The following TNRC6A variants were observed in gnomAD, a reference collection of about 807,000 sequenced individuals.
The protein encoded by TNRC6A is trinucleotide repeat-containing gene 6A protein.
TNRC6A carries 44 observed loss-of-function variants against 221.2 expected under a neutral mutation model. The observed-to-expected ratio is 0.20, with a 90% CI of 0.16 to 0.26. TNRC6A has a LOEUF of 0.26. TNRC6A is among the 10% of genes least tolerant of loss of function. The pLI, the probability that TNRC6A is intolerant of heterozygous loss-of-function variation, is 1.00. For synonymous variants in TNRC6A, 847 were observed against 838.5 expected (o/e 1.01, Z -0.18); for missense variants, 2,199 against 2,404.4 (o/e 0.91, Z 1.79).
chr16:24,792,035 G>T (rs2058113974), intron 6 of TNRC6A, among the ~76,000 whole-genome samples: 2 of 152,150 alleles, frequency 1.3e-5, no homozygotes, highest in African/African-American at 4.8e-5. Context: ...TATTAGAAAT[G>T]CAAGAGAAGG....
At chr16:24,797,853 T>G in intron 10 of TNRC6A, 62 bp from the exon 11 acceptor site, 1 of 1,454,736 alleles carries the variant, frequency 6.9e-7, no homozygotes, top group South Asian at 1.3e-5. Context: ...AAATTCTTCA[T>G]TTTTTATTTG....
At chr16:24,660,082 C>A (rs1255318742) in intron 2 of TNRC6A, among the ~76,000 whole-genome samples, 1 of 151,626 alleles carries the variant, frequency 6.6e-6, no homozygotes, top group African/African-American at 2.4e-5. Context: ...ATTTTTTTAA[C>A]TTTTTATTTC....
At chr16:24,683,057 T>C (rs1319726000) in intron 2 of TNRC6A, among the ~76,000 whole-genome samples, 1 of 152,164 alleles carries the variant, frequency 6.6e-6, no homozygotes, top group Admixed American at 6.5e-5. Context: ...GGCTCATATG[T>C]GCTATGAAGC....
At chr16:24,744,285 T>C (rs1253697157) in intron 2 of TNRC6A, among the ~76,000 whole-genome samples, 3 of 152,206 alleles carry the variant, frequency 2.0e-5, no homozygotes, top group Non-Finnish European at 4.4e-5. Flanking sequence ...GTGGTCTCTG[T>C]CGGGTTTCAT....
intron 2 of TNRC6A, 115 bp from the exon 3 acceptor site, chr16:24,750,611 T>A: frequency 8.0e-7 from 1 of 1,243,946 alleles, no homozygotes; most frequent in Non-Finnish European, 1.1e-6. Flanking sequence ...AATGATAAAA[T>A]AATAATTTGC....
rs563116248 is a variant in TNRC6A at position 24,797,205 on chromosome 16, A to G, written c.3562-285A>G. ...CGTTACTCAGAGGCCCTGTTTTCAT[A>G]TTTGTGGGTCATCGAGGCCTTTTGC... is the stretch of plus-strand genomic sequence containing the variant. On this transcript the variant is annotated intron_variant, in intron 9 of 24. Coordinates refer to ENST00000395799, the MANE Select transcript of TNRC6A (RefSeq NM_014494.4). Among the ~76,000 whole-genome samples the G allele has an allele frequency of 2.0e-5, 3 of 152,168 alleles. No individual in the cohort carries two copies. The East Asian group carries it at 5.8e-4, about 29-fold the overall frequency.
intron 2 of TNRC6A, among the ~76,000 whole-genome samples, chr16:24,721,150 G>A (rs765495971): frequency 2.0e-5 from 3 of 152,184 alleles, no homozygotes; most frequent in Admixed American, 6.5e-5. Flanking sequence ...AACTCTTGAT[G>A]AGGTTGAGAT....
chr16:24,804,437 T>C (rs2058389834), intron 12 of TNRC6A, 118 bp downstream of exon 12: 1 of 1,256,026 alleles, frequency 8.0e-7, no homozygotes, highest in East Asian at 2.7e-5. Flanking sequence ...CACTACCAAA[T>C]CTTATTACTG....
At chr16:24,654,393 T>C (rs1171420161) in intron 2 of TNRC6A, among the ~76,000 whole-genome samples, 1 of 152,180 alleles carries the variant, frequency 6.6e-6, no homozygotes, top group Non-Finnish European at 1.5e-5. Flanking sequence ...AGAAAATTTT[T>C]AGTAATAGTC....
chr16:24,641,782 A>AT (rs1901965302), intron 2 of TNRC6A, among the ~76,000 whole-genome samples: 1 of 152,192 alleles, frequency 6.6e-6, no homozygotes, highest in Non-Finnish European at 1.5e-5. Flanking sequence ...TCATTCGATG[A>AT]TTTTTTATTG....
At chr16:24,814,180 A>G (rs1480299164) in intron 18 of TNRC6A, among the ~76,000 whole-genome samples, 1 of 152,030 alleles carries the variant, frequency 6.6e-6, no homozygotes, top group Non-Finnish European at 1.5e-5. Context: ...TCCCTGAGTT[A>G]CCCATGTGGA....
chr16:24,726,346 T>G, upstream of TNRC6A, among the ~76,000 whole-genome samples: 1 of 130,872 alleles, frequency 7.6e-6, no homozygotes, highest in African/African-American at 3.0e-5. Flanking sequence ...AAACAGAAGA[T>G]GTTAGCAAAA....
At chr16:24,788,109 C>T (rs1252086087) in intron 5 of TNRC6A, among the ~76,000 whole-genome samples, 1 of 152,222 alleles carries the variant, frequency 6.6e-6, no homozygotes, top group Non-Finnish European at 1.5e-5. Flanking sequence ...TTCAGAAGCA[C>T]TAGAACTGCC....
At chr16:24,657,590 TC>T (rs897715263) in intron 2 of TNRC6A, among the ~76,000 whole-genome samples, 58 of 151,336 alleles carry the variant, frequency 3.8e-4, no homozygotes, top group African/African-American at 1.4e-3. Flanking sequence ...GCACCTGTAA[TC>T]CCAGCTATTT....
chr16:24,686,914 C>T (rs1041336639), intron 2 of TNRC6A, among the ~76,000 whole-genome samples: 2 of 152,218 alleles, frequency 1.3e-5, no homozygotes, highest in African/African-American at 2.4e-5. Context: ...TTGGATGGTT[C>T]GGAGTCTGCA....
chr16:24,643,125 A>ATATAT (rs1567319561), intron 2 of TNRC6A, among the ~76,000 whole-genome samples: 1 of 38,038 alleles, frequency 2.6e-5, no homozygotes, highest in East Asian at 6.1e-4. Flanking sequence ...ATATATATAA[A>ATATAT]ATATATATAT....
intron 5 of TNRC6A, among the ~76,000 whole-genome samples, chr16:24,782,376 G>A (rs187522500): frequency 2.0e-4 from 31 of 152,122 alleles, no homozygotes; most frequent in Non-Finnish European, 2.8e-4. Flanking sequence ...GCCTATTTTA[G>A]TCCAGCTTTT....
At chr16:24,683,323 A>G (rs1283588805) in intron 2 of TNRC6A, among the ~76,000 whole-genome samples, 4 of 152,152 alleles carry the variant, frequency 2.6e-5, no homozygotes, top group African/African-American at 9.7e-5. Flanking sequence ...CAGCCTCCCA[A>G]GTAGGTGGGA....
intron 2 of TNRC6A, among the ~76,000 whole-genome samples, chr16:24,685,314 C>T (rs534634377): frequency 1.3e-5 from 2 of 152,128 alleles, no homozygotes; most frequent in South Asian, 4.2e-4. Flanking sequence ...AATTAACTTA[C>T]CCAAGGTCAT....
Sources: gnomAD v4.1 joint callset for allele counts (sites outside exome capture counted in the v4.1 genomes callset) on GRCh38, gnomAD v4.1.1 for gene constraint, MANE v1.5 for transcripts, NCBI Gene and HGNC (gene_info 2026-07-23, HGNC 2026-07-21) for gene names.